Variants in CABLES1 observed in about 807,000 individuals in gnomAD.
The protein encoded by CABLES1 is Cdk5 and Abl enzyme substrate 1.
In CABLES1, 36 loss-of-function variants were observed where a neutral mutation model predicts 57.8. That is an observed-to-expected ratio of 0.62 (90% CI 0.48 to 0.82). The LOEUF is 0.82. CABLES1 is among the 40% of genes least tolerant of loss of function. The pLI, the probability that CABLES1 is intolerant of heterozygous loss-of-function variation, is 0.00. For synonymous variants in CABLES1, 374 were observed against 363.0 expected (o/e 1.03, Z -0.35); for missense variants, 767 against 836.6 (o/e 0.92, Z 1.03).
chr18:23,183,770 T>C (rs977648679), intron 1 of CABLES1, among the ~76,000 whole-genome samples: 9 of 152,246 alleles, frequency 5.9e-5, no homozygotes, highest in Non-Finnish European at 4.4e-5. Flanking sequence ...CATTAAAATA[T>C]GCAAAGACCT....
chr18:23,231,167 G>C (rs956819537), intron 4 of CABLES1, among the ~76,000 whole-genome samples: 8 of 152,304 alleles, frequency 5.3e-5, no homozygotes, highest in Admixed American at 5.2e-4. Context: ...ATGTCACTGA[G>C]TATCTATGAC....
chr18:23,214,402 A>C lies in CABLES1; in HGVS notation c.1088+348A>C, dbSNP rs1363601301. ...GGTAGGTCAAGGAAGAAATCAGAAC[A>C]AACCCTGTGACCATTCCACCTCCTT... On this transcript the variant is annotated intron_variant, in intron 4 of 9. Transcript: ENST00000256925. Among the ~76,000 whole-genome samples, 8 of 152,318 alleles carry C rather than the reference A, an allele frequency of 5.3e-5. No homozygotes were observed. The South Asian group carries it at 1.7e-3, about 32-fold the overall frequency.
rs535497582 is a variant in CABLES1 at position 23,219,956 on chromosome 18, A to G, written c.1088+5902A>G. Among the ~76,000 whole-genome samples the G allele has an allele frequency of 4.6e-5, 7 of 152,212 alleles. No individual in the cohort carries two copies. The South Asian group carries it at 1.5e-3, about 32-fold the overall frequency. ...AGATCTGGTGGCTTCTTGCCACTGT[A>G]TTGGGCACATTTTTTCTTGGTGTGG... On this transcript the variant is annotated intron_variant, in intron 4 of 9. Coordinates refer to ENST00000256925, the MANE Select transcript of CABLES1 (RefSeq NM_001100619.3).
chr18:23,135,696 G>C lies in CABLES1; in HGVS notation c.-67G>C. ...GCCCGGGTCGCCGCCGCTCGCGCCC[G>C]CCGCTTAGCGCTCGGGCGCCGCTCG... On this transcript the variant is annotated 5_prime_UTR_variant, in exon 1 of 10. Transcript: ENST00000256925. 1.0e-6 allele frequency: 1 copy of C among 982,720 alleles called. No individual in the cohort carries two copies. Among genetic ancestry groups the C allele is most frequent in the Non-Finnish European group, 1.2e-6 (1 of 829,458 alleles). The allele number at this position is 982,720 out of a possible 1,614,324, so 60.9% of individuals were successfully genotyped here. A position where few individuals can be genotyped will look rare whatever the true frequency, so the allele number is the denominator to read the frequency against.
intron 1 of CABLES1, among the ~76,000 whole-genome samples, chr18:23,188,567 C>T (rs2047219326): frequency 8.4e-6 from 1 of 118,362 alleles, no homozygotes. Flanking sequence ...GTGTGTGTGT[C>T]CTTGGGGGAA....
intron 1 of CABLES1, among the ~76,000 whole-genome samples, chr18:23,153,994 C>T (rs1017501819): frequency 6.6e-6 from 1 of 152,134 alleles, no homozygotes; most frequent in South Asian, 2.1e-4. Flanking sequence ...TCACACCACC[C>T]ACTCCAGCCT....
At chr18:23,200,463 C>CT (rs1568064968) in intron 3 of CABLES1, among the ~76,000 whole-genome samples, 2 of 152,102 alleles carry the variant, frequency 1.3e-5, no homozygotes, top group Non-Finnish European at 2.9e-5. Context: ...GGGGTTTCAC[C>CT]ATGTTAGCCA....
intron 4 of CABLES1, among the ~76,000 whole-genome samples, chr18:23,217,254 A>T (rs535318617): frequency 1.7e-4 from 26 of 152,022 alleles, no homozygotes; most frequent in Admixed American, 1.0e-3. Flanking sequence ...GCTAATTTTT[A>T]AAATTTTTAG....
At chr18:23,255,208 T>C (rs1258776996) in intron 9 of CABLES1, among the ~76,000 whole-genome samples, 1 of 152,112 alleles carries the variant, frequency 6.6e-6, no homozygotes, top group Non-Finnish European at 1.5e-5. Context: ...AAGGGGTCAC[T>C]GTGGAGGATT....
chr18:23,168,293 A>G (rs867296490), intron 1 of CABLES1, among the ~76,000 whole-genome samples: 1 of 152,244 alleles, frequency 6.6e-6, no homozygotes, highest in African/African-American at 2.4e-5. Flanking sequence ...TAAAAAGGAA[A>G]GAAATTCTGA....
At chr18:23,205,691 T>C (rs1225433407) in intron 3 of CABLES1, among the ~76,000 whole-genome samples, 1 of 152,104 alleles carries the variant, frequency 6.6e-6, no homozygotes, top group Non-Finnish European at 1.5e-5. Context: ...ACCGATATCC[T>C]TATAGAAAGA....
chr18:23,136,398 T>G lies in CABLES1; in HGVS notation c.636T>G (p.Asp212Glu). Reference sequence around the variant, plus strand: ...GGCAGGAGGAGTTGGAGGAGGACGATGCCTTTATCAGCGTGCAGGTGCCGG... The same window carrying G: ...GGCAGGAGGAGTTGGAGGAGGACGAGGCCTTTATCAGCGTGCAGGTGCCGG... ...AAGQEELEED[D>E]AFISVQVPAA... Residue 212 changes from aspartate (D) to glutamate (E), a missense_variant, in exon 1 of 10, where the codon GAT (aspartate) becomes GAG (glutamate). Physicochemically the swap from Asp to Glu is conservative, Grantham distance 45. Around this residue, in one of 4 missense-constraint regions of CABLES1, gnomAD observed 529 missense variants for 622.8 expected, o/e 0.85. Coordinates refer to ENST00000256925, the MANE Select transcript of CABLES1 (RefSeq NM_001100619.3). The G allele has an allele frequency of 1.9e-6, 3 of 1,588,528 alleles. No individual in the cohort carries two copies. Among genetic ancestry groups the G allele is most frequent in the Non-Finnish European group, 2.6e-6 (3 of 1,169,260 alleles).
At chr18:23,144,381 T>C (rs1334876343) in intron 1 of CABLES1, among the ~76,000 whole-genome samples, 2 of 152,250 alleles carry the variant, frequency 1.3e-5, no homozygotes, top group Non-Finnish European at 2.9e-5. Flanking sequence ...GTCTTTGTTT[T>C]CATCCAGCAG....
chr18:23,255,398 T>C (rs1400797848), intron 9 of CABLES1, among the ~76,000 whole-genome samples: 2 of 152,082 alleles, frequency 1.3e-5, no homozygotes, highest in Admixed American at 6.5e-5. Flanking sequence ...TACTCCCCAA[T>C]TGAAAAGAGT....
At position 23,135,587 on chromosome 18, in the gene CABLES1, T is replaced by C. The variant is rs2046811976; in HGVS notation, c.-176T>C. The C allele has an allele frequency of 5.8e-6, 1 of 171,124 alleles. No individual in the cohort carries two copies. Among genetic ancestry groups the C allele is most frequent in the Non-Finnish European group, 1.1e-5 (1 of 91,292 alleles). The allele number at this position is 171,124 out of a possible 1,614,324, so 10.6% of individuals were successfully genotyped here. A position where few individuals can be genotyped will look rare whatever the true frequency, so the allele number is the denominator to read the frequency against. ...GTGGGCCGGGGCGGCGGCGCCCCCA[T>C]CCCCAGCACCGAGGGGCGAGCATGG... On this transcript the variant is annotated 5_prime_UTR_variant, in exon 1 of 10. Coordinates refer to ENST00000256925, the MANE Select transcript of CABLES1 (RefSeq NM_001100619.3).
chr18:23,223,225 A>G (rs2047502369), intron 4 of CABLES1, among the ~76,000 whole-genome samples: 2 of 152,172 alleles, frequency 1.3e-5, no homozygotes, highest in Non-Finnish European at 2.9e-5. Context: ...AGCAACATGT[A>G]AGTCACACAG....
chr18:23,159,650 G>A (rs2046989632), intron 1 of CABLES1, among the ~76,000 whole-genome samples: 1 of 152,178 alleles, frequency 6.6e-6, no homozygotes, highest in Non-Finnish European at 1.5e-5. Flanking sequence ...ATAGATTCCA[G>A]TCAGATGATC....
chr18:23,227,854 T>C (rs2047539247), intron 4 of CABLES1, among the ~76,000 whole-genome samples: 1 of 152,248 alleles, frequency 6.6e-6, no homozygotes, highest in Non-Finnish European at 1.5e-5. Context: ...GGAAATCCTG[T>C]TAATATTTAA....
chr18:23,197,213 T>G (rs1264378752), intron 3 of CABLES1: 1 of 152,114 alleles, frequency 6.6e-6, no homozygotes, highest in Non-Finnish European at 1.5e-5. Flanking sequence ...ACAAAAAACT[T>G]AAATATACCT....
Sources: gnomAD v4.1 joint callset for allele counts (sites outside exome capture counted in the v4.1 genomes callset) on GRCh38, gnomAD v4.1.1 for gene constraint, gnomAD v4.1.1 regional missense constraint, MANE v1.5 for transcripts, NCBI Gene and HGNC (gene_info 2026-07-23, HGNC 2026-07-21) for gene names.